The following SASH1 variants were observed in gnomAD, a reference collection of about 807,000 sequenced individuals.
SASH1 encodes SAM and SH3 domain containing 1.
A neutral mutation model predicts 125.2 loss-of-function variants in SASH1; 44 were observed. The ratio of observed to expected loss-of-function variants is 0.35; its 90% confidence interval spans 0.28 to 0.45. The LOEUF (loss-of-function observed/expected upper bound fraction) is 0.45. SASH1 is among the 20% of genes least tolerant of loss of function. SASH1 has a pLI of 1.00. For missense variants in SASH1, 1,426 were observed against 1,614.5 expected, an observed-to-expected ratio of 0.88 and a Z score of 2.00; for synonymous variants, 639 against 649.1, an observed-to-expected ratio of 0.98 and a Z score of 0.24.
chr6:148,211,951 C>G, the SASH1 span, among the ~76,000 whole-genome samples: 43 of 152,194 alleles, frequency 2.8e-4, no homozygotes, highest in Non-Finnish European at 5.3e-4. Context: ...GGATTTGCTG[C>G]GTCATTGTCA....
At chr6:148,358,826 C>T (rs560041877) in intron 1 of SASH1, among the ~76,000 whole-genome samples, 6 of 150,278 alleles carry the variant, frequency 4.0e-5, no homozygotes, top group Non-Finnish European at 8.9e-5. Context: ...AGCTCCGCCT[C>T]CCGGGTTCAC....
In SASH1 at chr6:148,532,469, G is replaced by C. The variant is rs62432355; in HGVS notation, c.1565-328G>C. Among the ~76,000 whole-genome samples, 2,418 of 152,328 alleles carry C rather than the reference G, an allele frequency of 0.016. 24 individuals are homozygous for C. The highest frequency in any genetic ancestry group is 0.024 in the Non-Finnish European group (1,655 of 68,032). Reference sequence around the variant, plus strand: ...CTCATCTGTAAAATGGTTAGAGAGAGTGTGCATTACCACTGAGAGGTCACG... The same window carrying C: ...CTCATCTGTAAAATGGTTAGAGAGACTGTGCATTACCACTGAGAGGTCACG... On this transcript the variant is annotated intron_variant, in intron 13 of 19. Coordinates refer to ENST00000367467, the MANE Select transcript of SASH1 (RefSeq NM_015278.5). This position sits in a 1 kb window ranked among gnomAD's most constrained non-coding sequence, Gnocchi z 4.7.
intron 1 of SASH1, among the ~76,000 whole-genome samples, chr6:148,359,750 T>A (rs1782115471): frequency 6.6e-6 from 1 of 152,112 alleles, no homozygotes; most frequent in Non-Finnish European, 1.5e-5. Flanking sequence ...CAGATTTCTT[T>A]ATTGTCTTTT....
chr6:148,487,221 A>G (rs1329826818), intron 7 of SASH1, among the ~76,000 whole-genome samples: 1 of 151,234 alleles, frequency 6.6e-6, no homozygotes, highest in African/African-American at 2.4e-5. Context: ...TTTTTGACTT[A>G]CACACTTGGA....
At chr6:148,256,452 T>C in the SASH1 span, among the ~76,000 whole-genome samples, 1 of 152,244 alleles carries the variant, frequency 6.6e-6, no homozygotes, top group South Asian at 2.1e-4. Flanking sequence ...TTCTTAAATA[T>C]AGTATATTCT....
At chr6:148,219,485 T>C in the SASH1 span, among the ~76,000 whole-genome samples, 1 of 152,180 alleles carries the variant, frequency 6.6e-6, no homozygotes, top group Admixed American at 6.5e-5. Flanking sequence ...GCATGCATTA[T>C]CTCCTCCAAA....
chr6:148,535,884 GA>G (rs1394128885), intron 16 of SASH1, among the ~76,000 whole-genome samples: 1 of 152,066 alleles, frequency 6.6e-6, no homozygotes, highest in Non-Finnish European at 1.5e-5. Context: ...GTTAATGGTG[GA>G]AAAAAGAATT....
chr6:148,546,646 C>T (rs1033435859), intron 19 of SASH1, among the ~76,000 whole-genome samples: 4 of 152,184 alleles, frequency 2.6e-5, no homozygotes, highest in African/African-American at 7.2e-5. Flanking sequence ...TAAGTGTTCT[C>T]ACCACAAAAT....
intron 1 of SASH1, among the ~76,000 whole-genome samples, chr6:148,295,204 G>A (rs1374333483): frequency 6.6e-6 from 1 of 152,098 alleles, no homozygotes; most frequent in Non-Finnish European, 1.5e-5. Flanking sequence ...CCCACTTTTA[G>A]GTAGTTTAAA....
chr6:148,406,679 A>C (rs1459304987), intron 2 of SASH1, among the ~76,000 whole-genome samples: 2 of 152,220 alleles, frequency 1.3e-5, no homozygotes, highest in African/African-American at 4.8e-5. Flanking sequence ...AGAGAGAATC[A>C]GGCTTTCCAA....
rs1019819078 is a variant in SASH1 at position 148,549,411 on chromosome 6, G to C, written c.*853G>C. The C allele has an allele frequency of 2.6e-6, 1 of 388,900 alleles. No individual in the cohort carries two copies. The highest frequency in any genetic ancestry group is 4.5e-5 in the Admixed American group (1 of 22,418). The allele number at this position is 388,900 out of a possible 1,614,324, so 24.1% of individuals were successfully genotyped here. A position where few individuals can be genotyped will look rare whatever the true frequency, so the allele number is the denominator to read the frequency against. On this transcript the variant is annotated 3_prime_UTR_variant, in exon 20 of 20. Transcript: ENST00000367467. ...AAATTCACAAATATCATGTGTGTGC[G>C]TGCGTGCGTGCGCGTGTGTGTCTGT...
At chr6:148,452,324 G>A (rs185691872) in intron 4 of SASH1, among the ~76,000 whole-genome samples, 1 of 152,326 alleles carries the variant, frequency 6.6e-6, no homozygotes, top group Non-Finnish European at 1.5e-5. Context: ...TGTCCTCTTT[G>A]CCACTTCATC....
chr6:148,271,538 T>C (rs189966817), upstream of SASH1, among the ~76,000 whole-genome samples: 159 of 152,360 alleles, frequency 1.0e-3, 1 homozygote, highest in African/African-American at 3.5e-3. Flanking sequence ...ACTTTTGTTT[T>C]ATTTTATTAA....
intron 1 of SASH1, among the ~76,000 whole-genome samples, chr6:148,330,389 T>C (rs2114600127): frequency 6.6e-6 from 1 of 152,282 alleles, no homozygotes. Context: ...GAAAAAAATA[T>C]TTTCCATAAC....
the SASH1 span, among the ~76,000 whole-genome samples, chr6:148,262,408 G>A: frequency 1.3e-5 from 2 of 152,068 alleles, no homozygotes; most frequent in Non-Finnish European, 2.9e-5. Context: ...ACACAGACAG[G>A]TGTGGTGTTG....
intron 2 of SASH1, among the ~76,000 whole-genome samples, chr6:148,404,893 G>A (rs1486985033): frequency 6.6e-6 from 1 of 150,386 alleles, no homozygotes; most frequent in Non-Finnish European, 1.5e-5. Flanking sequence ...AACTTTTTGT[G>A]TTTTTGTTTA....
intron 2 of SASH1, among the ~76,000 whole-genome samples, chr6:148,433,653 C>T (rs1404909822): frequency 6.6e-6 from 1 of 152,004 alleles, no homozygotes; most frequent in East Asian, 1.9e-4. Flanking sequence ...ATCCGCCCGC[C>T]TCAGCTTCCC....
At chr6:148,452,054 C>T (rs1406392986) in intron 4 of SASH1, among the ~76,000 whole-genome samples, 2 of 152,198 alleles carry the variant, frequency 1.3e-5, no homozygotes, top group Non-Finnish European at 2.9e-5. Context: ...TCCTTCTGTG[C>T]CCAGCATCTT....
chr6:148,337,656 C>G (rs1781200820), intron 1 of SASH1, among the ~76,000 whole-genome samples: 1 of 152,142 alleles, frequency 6.6e-6, no homozygotes, highest in African/African-American at 2.4e-5. Context: ...GCCACTGTGC[C>G]TGGCCCTAAG....
Sources: gnomAD v4.1 joint callset for allele counts (sites outside exome capture counted in the v4.1 genomes callset) on GRCh38, gnomAD v4.1.1 for gene constraint, Gnocchi (gnomAD v3.1) non-coding constraint, MANE v1.5 for transcripts, NCBI Gene and HGNC (gene_info 2026-07-23, HGNC 2026-07-21) for gene names.